TEKT1: variants seen among roughly 807,000 people sequenced by gnomAD.
TEKT1 encodes the protein tektin-1.
A neutral mutation model predicts 34.8 loss-of-function variants in TEKT1; 32 were observed. The ratio of observed to expected loss-of-function variants is 0.92; its 90% CI spans 0.69 to 1.23. The LOEUF is 1.23. Among genes scored for constraint, TEKT1 ranks in the 50% most tolerant of loss-of-function variants. TEKT1 has a pLI of 0.00. For synonymous variants in TEKT1, 207 were observed against 199.8 expected (o/e 1.04, Z -0.30); for missense variants, 492 against 518.5 (o/e 0.95, Z 0.50).
At chr17:6,823,784 T>G (rs1488129560) in intron 2 of TEKT1, among the ~76,000 whole-genome samples, 1 of 148,986 alleles carries the variant, frequency 6.7e-6, no homozygotes, top group Non-Finnish European at 1.5e-5. Context: ...ACTGATACAA[T>G]AGAAGACTTC....
intron 2 of TEKT1, among the ~76,000 whole-genome samples, chr17:6,829,379 C>T (rs1023309972): frequency 6.6e-6 from 1 of 152,176 alleles, no homozygotes; most frequent in Non-Finnish European, 1.5e-5. Context: ...TCCATGGATG[C>T]TCAAGTCTTT....
intron 2 of TEKT1, among the ~76,000 whole-genome samples, chr17:6,821,494 C>G (rs1463381032): frequency 6.6e-6 from 1 of 152,166 alleles, no homozygotes; most frequent in Non-Finnish European, 1.5e-5. Flanking sequence ...AACCTCTTTC[C>G]TTTATAAATT....
At position 6,827,258 on chromosome 17, in the gene TEKT1, T is replaced by C. The variant is rs71383429; in HGVS notation, c.190+2929A>G. 5.4e-3 allele frequency among the ~76,000 whole-genome samples: 338 copies of C among 62,494 alleles called. 4 individuals are homozygous for C. Among genetic ancestry groups the C allele is most frequent in the East Asian group, 0.012 (24 of 2,020 alleles). 41.0% of individuals were successfully genotyped at this position (62,494 alleles called of 152,430 possible). A position where few individuals can be genotyped will look rare whatever the true frequency, so the allele number is the denominator to read the frequency against. ...TTCTTCTTTAAGATAGTTGTGCCAA[T>C]TTTTTTTTTTTTTTTTTTTTGAGAT... On this transcript the variant is annotated intron_variant, in intron 2 of 7. Transcript: ENST00000338694.
At position 6,830,264 on chromosome 17, in the gene TEKT1, A is replaced by T. The variant is rs749643603; in HGVS notation, c.113T>A (p.Val38Asp). The T allele has an allele frequency of 1.9e-6, 3 of 1,613,450 alleles. No homozygotes were observed. The highest frequency in any genetic ancestry group is 2.5e-6 in the Non-Finnish European group (3 of 1,179,936). ...ATCCACAAGCCTCTGGCTTTCTGCG[A>T]CCAGGCGTTCTGATCGGGACCTTTG... ...DAQRSRSERLVAESQRLVDEI... is the reference protein window; with the variant it reads ...DAQRSRSERLDAESQRLVDEI... The change falls in exon 2 of 8, where the codon GTC becomes GAC. Residue 38 changes from valine to aspartate, a missense_variant. Transcript: ENST00000338694.
At chr17:6,817,102 G>A (rs993706995) in intron 3 of TEKT1, among the ~76,000 whole-genome samples, 6 of 152,166 alleles carry the variant, frequency 3.9e-5, no homozygotes, top group African/African-American at 1.2e-4. Flanking sequence ...TAGGGTGGGC[G>A]CAGTGACTCA....
intron 2 of TEKT1, among the ~76,000 whole-genome samples, chr17:6,822,430 A>T (rs9914907): frequency 0.062 from 9,359 of 152,002 alleles, 819 homozygotes; most frequent in African/African-American, 0.19. Flanking sequence ...AGCCACCATA[A>T]CTTCTCCATT....
chr17:6,830,634 A>T (rs980814116), intron 1 of TEKT1, among the ~76,000 whole-genome samples: 3 of 152,058 alleles, frequency 2.0e-5, no homozygotes, highest in African/African-American at 7.2e-5. Context: ...TTTTAACACT[A>T]CAAATTCGTT....
chr17:6,809,656 C>G (rs1436088578), intron 6 of TEKT1, among the ~76,000 whole-genome samples: 3 of 152,178 alleles, frequency 2.0e-5, no homozygotes, highest in East Asian at 3.8e-4. Context: ...CTTCTTCCAC[C>G]CACCCAAACC....
chr17:6,809,864 T>G (rs1160477952), intron 6 of TEKT1, among the ~76,000 whole-genome samples: 1 of 152,246 alleles, frequency 6.6e-6, no homozygotes, highest in Non-Finnish European at 1.5e-5. Context: ...TATTTCATTG[T>G]CTGGATGTAC....
chr17:6,823,108 C>T (rs1437609773), intron 2 of TEKT1, among the ~76,000 whole-genome samples: 3 of 152,208 alleles, frequency 2.0e-5, no homozygotes, highest in Admixed American at 1.3e-4. Context: ...ATGAATGAAT[C>T]ACCAAGTAGA....
chr17:6,801,806 A>AT (rs1467801910), intron 6 of TEKT1, among the ~76,000 whole-genome samples: 1 of 152,060 alleles, frequency 6.6e-6, no homozygotes, highest in African/African-American at 2.4e-5. Context: ...TTCATTAAGC[A>AT]TTTTTTTTAA....
Position 6,815,961 on chromosome 17 carries a change from C to T in TEKT1, c.358G>A (p.Glu120Lys), listed in dbSNP as rs965142200. ...ACCAGGTCAATGCCAATGCGCTTCT[C>T]CCTGGCAGGGGGAAAGGCAGCCAGT... ...HITETCLAYR[E>K]KRIGIDLVHD... Residue 120 changes from glutamate to lysine, a missense_variant and splice_region_variant, in exon 4 of 8, where the codon GAG becomes AAG. Coordinates refer to ENST00000338694, the MANE Select transcript of TEKT1 (RefSeq NM_053285.2). The T allele has an allele frequency of 2.5e-6, 4 of 1,613,886 alleles. No individual in the cohort carries two copies. Among genetic ancestry groups the T allele is most frequent in the East Asian group, 4.5e-5 (2 of 44,872 alleles).
chr17:6,810,245 A>ACT, intron 6 of TEKT1, among the ~76,000 whole-genome samples: 1 of 152,118 alleles, frequency 6.6e-6, no homozygotes, highest in African/African-American at 2.4e-5. Context: ...ATCTTTTCGT[A>ACT]TGCTTACTTG....
chr17:6,808,090 C>A (rs915130250), intron 6 of TEKT1, among the ~76,000 whole-genome samples: 4 of 152,196 alleles, frequency 2.6e-5, no homozygotes, highest in African/African-American at 9.7e-5. Flanking sequence ...GCAGGCAGGC[C>A]TCCTTGAGCT....
At position 6,811,248 on chromosome 17, in the gene TEKT1, C is replaced by T. The variant is rs561832692; in HGVS notation, c.852+1583G>A. 3.9e-5 allele frequency among the ~76,000 whole-genome samples: 6 copies of T among 151,990 alleles called. No homozygotes were observed. The East Asian group carries it at 1.2e-3, about 29-fold the overall frequency. On this transcript the variant is annotated intron_variant, in intron 6 of 7. Coordinates refer to ENST00000338694, the MANE Select transcript of TEKT1 (RefSeq NM_053285.2). The surrounding 1 kb of genome is among the most constrained non-coding windows in gnomAD (Gnocchi z 4.4). ...CTATCATCATCATCATCATCATCAT[C>T]AATCAACTATTTTTATTATTTATAT...
intron 6 of TEKT1, among the ~76,000 whole-genome samples, chr17:6,810,769 G>A (rs764926831): frequency 2.0e-5 from 3 of 151,884 alleles, no homozygotes; most frequent in African/African-American, 4.8e-5. Context: ...ATGGAGTTTC[G>A]CTCTTATTGC....
chr17:6,826,119 C>G (rs1904388956), intron 2 of TEKT1, among the ~76,000 whole-genome samples: 1 of 152,178 alleles, frequency 6.6e-6, no homozygotes, highest in African/African-American at 2.4e-5. Context: ...TTCTTGTTCT[C>G]TTCCTTCTTT....
chr17:6,798,977 G>C lies in TEKT1; in HGVS notation c.*1050C>G, dbSNP rs1383122952. ...CACCGGGGAACCAAATGTTAGCAGA[G>C]TGTAGCAGCAGCTTCACACATGGGA... On this transcript the variant is annotated 3_prime_UTR_variant, in exon 8 of 8. Coordinates refer to ENST00000338694, the MANE Select transcript of TEKT1 (RefSeq NM_053285.2). 6.6e-6 allele frequency: 1 copy of C among 152,226 alleles called. No individual in the cohort carries two copies. The highest frequency in any genetic ancestry group is 1.5e-5 in the Non-Finnish European group (1 of 68,042). The allele number at this position is 152,226 out of a possible 1,614,324, so 9.4% of individuals were successfully genotyped here. A position where few individuals can be genotyped will look rare whatever the true frequency, so the allele number is the denominator to read the frequency against.
At chr17:6,814,641 A>G (rs1976977653) in intron 5 of TEKT1, among the ~76,000 whole-genome samples, 1 of 152,164 alleles carries the variant, frequency 6.6e-6, no homozygotes, top group Non-Finnish European at 1.5e-5. Context: ...GATTGAGACC[A>G]TCCTGGCTAA....
Sources: gnomAD v4.1 joint callset for allele counts (sites outside exome capture counted in the v4.1 genomes callset) on GRCh38, gnomAD v4.1.1 for gene constraint, Gnocchi (gnomAD v3.1) non-coding constraint, MANE v1.5 for transcripts, NCBI Gene and HGNC (gene_info 2026-07-23, HGNC 2026-07-21) for gene names.